ABAT: variants seen among roughly 807,000 people sequenced by gnomAD.
ABAT encodes the protein 4-aminobutyrate aminotransferase, mitochondrial.
Under a neutral mutation model 64.6 loss-of-function variants are expected in ABAT, and 45 were observed. That is an observed-to-expected ratio of 0.70 (90% CI 0.55 to 0.89). The LOEUF is 0.89. Ranked by LOEUF, ABAT falls within the 40% of genes least tolerant of loss-of-function variation. The probability of loss-of-function intolerance (pLI) is 0.00; values close to 1 mark genes in which losing one functional copy is unlikely to be tolerated. For synonymous variants in ABAT, 297 were observed against 250.5 expected, an observed-to-expected ratio of 1.19 and a Z score of -1.75; for missense variants, 633 against 658.4, an observed-to-expected ratio of 0.96 and a Z score of 0.42.
At chr16:8,724,413 T>G (rs1220815201) in intron 1 of ABAT, among the ~76,000 whole-genome samples, 1 of 152,226 alleles carries the variant, frequency 6.6e-6, no homozygotes, top group Admixed American at 6.5e-5. Context: ...AACATTTATT[T>G]GCCATTTCAA....
Position 8,764,136 on chromosome 16 carries a change from A to T in ABAT, c.434A>T (p.Gln145Leu), listed in dbSNP as rs1429325504. ...PPENFVEKLR[Q>L]SLLSVAPKGM... ...GAGAACTTTGTGGAGAAGCTCCGGCAGTCCTTGCTCTCGGTGAGTTCTGGA... is the reference window on the plus strand; with the variant it reads ...GAGAACTTTGTGGAGAAGCTCCGGCTGTCCTTGCTCTCGGTGAGTTCTGGA... The change falls in exon 7 of 16, where the codon CAG becomes CTG. Residue 145 changes from glutamine to leucine, a missense_variant. Coordinates refer to ENST00000268251, the MANE Select transcript of ABAT (RefSeq NM_020686.6). The surrounding 1 kb of genome is among the most constrained non-coding windows in gnomAD (Gnocchi z 4.2). 6.2e-7 allele frequency: 1 copy of T among 1,612,446 alleles called. No homozygotes were observed. Among genetic ancestry groups the T allele is most frequent in the Non-Finnish European group, 8.5e-7 (1 of 1,179,712 alleles).
rs1481834240 is a variant in ABAT, at chr16:8,738,610, G to GTTTTTT, written c.70+2806_70+2807insTTTTTT. Among the ~76,000 whole-genome samples the GTTTTTT allele has an allele frequency of 6.6e-5, 8 of 122,050 alleles. 1 individual carries two copies. The highest frequency in any genetic ancestry group is 2.7e-4 in the South Asian group (1 of 3,650). 80.1% of individuals were successfully genotyped at this position (122,050 alleles called of 152,430 possible). A position where few individuals can be genotyped will look rare whatever the true frequency, so the allele number is the denominator to read the frequency against. On this transcript the variant is annotated intron_variant, in intron 2 of 15. Transcript: ENST00000268251. Reference sequence around the variant, plus strand: ...TTTTCCTTTTTTCTTTTTTGTTTTTGTTTTTGTTTTTGTTTTTGTTTTTTT... The same window carrying GTTTTTT: ...TTTTCCTTTTTTCTTTTTTGTTTTTGTTTTTTTTTTTGTTTTTGTTTTTGTTTTTTT...
intron 1 of ABAT, among the ~76,000 whole-genome samples, chr16:8,701,481 T>A (rs575470245): frequency 4.6e-5 from 7 of 152,358 alleles, no homozygotes; most frequent in Admixed American, 3.3e-4. Context: ...GGCCACAAGC[T>A]CTGGAACAGT....
chr16:8,684,769 A>G (rs1428350323), intron 1 of ABAT, among the ~76,000 whole-genome samples: 4 of 151,958 alleles, frequency 2.6e-5, no homozygotes, highest in Non-Finnish European at 5.9e-5. Flanking sequence ...AATCTCATAC[A>G]GATACAAAAA....
In ABAT at chr16:8,781,776, A is replaced by G; in HGVS notation, c.*346A>G. 2.6e-6 allele frequency: 1 copy of G among 385,818 alleles called. No homozygotes were observed. Among genetic ancestry groups the G allele is most frequent in the South Asian group, 2.2e-5 (1 of 44,634 alleles). The allele number at this position is 385,818 out of a possible 1,614,324, so 23.9% of individuals were successfully genotyped here. A position where few individuals can be genotyped will look rare whatever the true frequency, so the allele number is the denominator to read the frequency against. ...TCCAAAAGCCAGTCAAGGGCATTAC[A>G]TTTGTTCCTGGGACTGGCAGCTGGG... On this transcript the variant is annotated 3_prime_UTR_variant, in exon 16 of 16. Coordinates refer to ENST00000268251, the MANE Select transcript of ABAT (RefSeq NM_020686.6). The surrounding 1 kb of genome is among the most constrained non-coding windows in gnomAD (Gnocchi z 4.5).
chr16:8,684,294 A>C (rs1730938), intron 1 of ABAT, among the ~76,000 whole-genome samples: 89,335 of 151,904 alleles, frequency 0.59, 26,647 homozygotes, highest in East Asian at 0.77. Flanking sequence ...AAGGATAGAC[A>C]GCGTATGGTG....
chr16:8,694,210 TTC>T (rs1596402269), intron 1 of ABAT, among the ~76,000 whole-genome samples: 1 of 148,458 alleles, frequency 6.7e-6, no homozygotes. Flanking sequence ...TTTTTTTTTT[TTC>T]AGTAGAGACA....
chr16:8,707,633 G>A (rs2057977776), intron 1 of ABAT, among the ~76,000 whole-genome samples: 1 of 152,192 alleles, frequency 6.6e-6, no homozygotes, highest in African/African-American at 2.4e-5. Context: ...CAGTTTGCAA[G>A]AGGCAAGAGA....
chr16:8,769,971 G>A (rs558713090), intron 11 of ABAT, among the ~76,000 whole-genome samples: 4 of 152,200 alleles, frequency 2.6e-5, no homozygotes, highest in Admixed American at 1.3e-4. Flanking sequence ...TAGGTGCTGG[G>A]TATTCAGTGG....
chr16:8,712,239 A>T (rs2058093759), intron 1 of ABAT, among the ~76,000 whole-genome samples: 1 of 152,210 alleles, frequency 6.6e-6, no homozygotes, highest in Non-Finnish European at 1.5e-5. Flanking sequence ...TCATAAAAAA[A>T]GAAAAGAAAG....
intron 12 of ABAT, among the ~76,000 whole-genome samples, chr16:8,773,158 A>G (rs1261089599): frequency 7.9e-6 from 1 of 126,910 alleles, no homozygotes; most frequent in African/African-American, 3.3e-5. Context: ...ATATATATAT[A>G]TTTTTTTTTT....
chr16:8,737,859 C>T (rs565283952), intron 2 of ABAT, among the ~76,000 whole-genome samples: 29 of 136,206 alleles, frequency 2.1e-4, no homozygotes, highest in African/African-American at 5.6e-4. Flanking sequence ...ACCCAGAAGG[C>T]GGAGGTTGCA....
intron 1 of ABAT, among the ~76,000 whole-genome samples, chr16:8,729,230 G>T (rs1473519354): frequency 6.6e-6 from 1 of 152,084 alleles, no homozygotes; most frequent in African/African-American, 2.4e-5. Context: ...TGACCCTGGG[G>T]GAGGCAGAGG....
At chr16:8,684,821 G>T (rs559809301) in intron 1 of ABAT, among the ~76,000 whole-genome samples, 40 of 151,998 alleles carry the variant, frequency 2.6e-4, no homozygotes, top group African/African-American at 9.6e-4. Flanking sequence ...AGGGAACCAG[G>T]CAGACATTAG....
chr16:8,780,396 G>C (rs2060399455), intron 15 of ABAT: 1 of 154,366 alleles, frequency 6.5e-6, no homozygotes, highest in Non-Finnish European at 1.4e-5. Flanking sequence ...CCATCTTACA[G>C]AATCCTTGCA....
chr16:8,676,364 C>A (rs1208242734), intron 1 of ABAT, among the ~76,000 whole-genome samples: 1 of 152,088 alleles, frequency 6.6e-6, no homozygotes, highest in Non-Finnish European at 1.5e-5. Flanking sequence ...CTCCAGGACC[C>A]TTAAGGTGCT....
At chr16:8,766,310 G>T (rs2059942110) in intron 9 of ABAT, 40 bp downstream of exon 9, 4 of 1,597,768 alleles carry the variant, frequency 2.5e-6, no homozygotes, top group Admixed American at 1.7e-5. Context: ...ATCTGGGGAA[G>T]CTGCACAGCC....
At chr16:8,759,964 G>C (rs573485122) in intron 6 of ABAT, among the ~76,000 whole-genome samples, 7 of 152,198 alleles carry the variant, frequency 4.6e-5, no homozygotes, top group African/African-American at 1.7e-4. Context: ...TGTAATCGCA[G>C]ACTGTGTATC....
intron 1 of ABAT, among the ~76,000 whole-genome samples, chr16:8,726,665 A>G (rs577534713): frequency 6.6e-6 from 1 of 152,366 alleles, no homozygotes; most frequent in African/African-American, 2.4e-5. Flanking sequence ...GAGTGCAGAT[A>G]TCTCTTCGAT....
Sources: gnomAD v4.1 joint callset for allele counts (sites outside exome capture counted in the v4.1 genomes callset) on GRCh38, gnomAD v4.1.1 for gene constraint, Gnocchi (gnomAD v3.1) non-coding constraint, MANE v1.5 for transcripts, NCBI Gene and HGNC (gene_info 2026-07-23, HGNC 2026-07-21) for gene names.